The following HMGB1 variants were observed in gnomAD, a reference collection of about 807,000 sequenced individuals.
HMGB1 encodes the protein high mobility group box 1.
For synonymous variants in HMGB1, 81 were observed against 84.0 expected, an observed-to-expected ratio of 0.96 and a Z score of 0.19; for missense variants, 79 against 253.5, an observed-to-expected ratio of 0.31 and a Z score of 4.67.
At chr13:30,507,114 A>G (rs575511101) in intron 1 of HMGB1, among the ~76,000 whole-genome samples, 20 of 152,180 alleles carry the variant, frequency 1.3e-4, no homozygotes, top group Non-Finnish European at 2.6e-4. Flanking sequence ...CTACCACTCC[A>G]GCTCCATCTT....
At chr13:30,584,011 G>GA (rs1179060857) in intron 1 of HMGB1, among the ~76,000 whole-genome samples, 4 of 147,352 alleles carry the variant, frequency 2.7e-5, no homozygotes, top group Non-Finnish European at 6.0e-5. Flanking sequence ...CTAAAGAAGA[G>GA]AAAAGAAAAG....
At chr13:30,469,872 G>A (rs918304334), upstream of HMGB1, among the ~76,000 whole-genome samples, 10 of 152,190 alleles carry the variant, frequency 6.6e-5, no homozygotes, top group African/African-American at 1.4e-4. Flanking sequence ...CTTGTGATCC[G>A]CCCGCCTTGG....
rs1319876092 is a variant in HMGB1 at position 30,458,461 on chromosome 13, C to T, written c.*2896G>A. Reference sequence around the variant, plus strand: ...TCTCCTGCCTCAGCCTCCTGAGTTACTGGGACTACAGGCGCCCAGCACCAC... The same window carrying T: ...TCTCCTGCCTCAGCCTCCTGAGTTATTGGGACTACAGGCGCCCAGCACCAC... On this transcript the variant is annotated 3_prime_UTR_variant, in exon 5 of 5. Transcript: ENST00000341423. 2 of 151,860 alleles carry T rather than the reference C, an allele frequency of 1.3e-5. No homozygotes were observed. The highest frequency in any genetic ancestry group is 2.9e-5 in the Non-Finnish European group (2 of 68,112). 9.4% of individuals were successfully genotyped at this position (151,860 alleles called of 1,614,324 possible).
intron 1 of HMGB1, among the ~76,000 whole-genome samples, chr13:30,502,230 T>A (rs893014598): frequency 3.0e-4 from 46 of 152,252 alleles, no homozygotes; most frequent in Admixed American, 3.0e-3. Context: ...ATTTATTTAT[T>A]CACTTAACAA....
intron 1 of HMGB1, among the ~76,000 whole-genome samples, chr13:30,480,977 A>G (rs940260690): frequency 4.6e-5 from 7 of 151,772 alleles, no homozygotes; most frequent in African/African-American, 9.7e-5. Context: ...GACTCTCCCT[A>G]TGGTTTCCTG....
intron 1 of HMGB1, among the ~76,000 whole-genome samples, chr13:30,503,827 A>C (rs1276771145): frequency 6.6e-6 from 1 of 151,940 alleles, no homozygotes; most frequent in Non-Finnish European, 1.5e-5. Context: ...GAGGCCATGG[A>C]GTGAGGACTG....
In HMGB1 at chr13:30,533,866, CT is replaced by C. The variant is rs398056244; in HGVS notation, c.-14-70173del. 5.6e-3 allele frequency among the ~76,000 whole-genome samples: 802 copies of C among 142,610 alleles called. 6 individuals are homozygous for C. Among genetic ancestry groups the C allele is most frequent in the African/African-American group, 0.014 (533 of 38,900 alleles). The allele number at this position is 142,610 out of a possible 152,430, so 93.6% of individuals were successfully genotyped here. The stretch of plus-strand genomic sequence containing the variant: ...TGTAGTAAATCCTGGTAAAGACTAT[CT>C]TTTTTTTTTTTTTTAAGATGGAGTT... On this transcript the variant is annotated intron_variant, in intron 1 of 4. Transcript: ENST00000405805.
In HMGB1 at chr13:30,471,417, G is replaced by T. The variant is rs539687211; in HGVS notation, c.-14-7723C>A. Among the ~76,000 whole-genome samples, 3 of 151,494 alleles carry T rather than the reference G, an allele frequency of 2.0e-5. No homozygotes were observed. The East Asian group carries it at 5.8e-4, about 29-fold the overall frequency. On this transcript the variant is annotated intron_variant, in intron 1 of 4. Coordinates refer to the HMGB1 transcript ENST00000405805. ...TGCTGGAGTGCAGTGGCGCGATCTC[G>T]GCTCACTGCAACCTCTGTCTCCCAG... is the stretch of plus-strand genomic sequence containing the variant.
At position 30,547,256 on chromosome 13, in the gene HMGB1, T is replaced by TA. The variant is rs770089568; in HGVS notation, c.-15+69414dup. Among the ~76,000 whole-genome samples, 4 of 152,386 alleles carry TA rather than the reference T, an allele frequency of 2.6e-5. No homozygotes were observed. In the East Asian group the frequency reaches 7.7e-4, roughly 29 times the overall value. ...TTTTCCCAAATATTATTTGAGAACT[T>TA]ACTACAGGTAAGGCACTGCTCCAGT... On this transcript the variant is annotated intron_variant, in intron 1 of 4. Transcript: ENST00000405805.
At chr13:30,462,439 G>T in intron 4 of HMGB1, 99 bp downstream of exon 4, 1 of 913,340 alleles carries the variant, frequency 1.1e-6, no homozygotes, top group Non-Finnish European at 1.8e-6. Context: ...CATACTTAAT[G>T]TAGCTGTTAC....
At chr13:30,572,288 G>A (rs1190803903) in intron 1 of HMGB1, among the ~76,000 whole-genome samples, 1 of 152,144 alleles carries the variant, frequency 6.6e-6, no homozygotes, top group African/African-American at 2.4e-5. Context: ...GAGATAAAGT[G>A]TTCAACTTAG....
chr13:30,506,884 T>C (rs918578686), intron 1 of HMGB1, among the ~76,000 whole-genome samples: 1 of 152,084 alleles, frequency 6.6e-6, no homozygotes, highest in Non-Finnish European at 1.5e-5. Flanking sequence ...ACACCCCTAG[T>C]TCTCATGGTG....
At position 30,490,880 on chromosome 13, in the gene HMGB1, C is replaced by T. The variant is rs182242930; in HGVS notation, c.-14-27186G>A. On this transcript the variant is annotated intron_variant, in intron 1 of 4. Transcript: ENST00000405805. Reference sequence around the variant, plus strand: ...TCTGTGTGTAGGCAAAGGTACACTGCTGGTATTCAGCAAAAAAGTAGCTCT... The same window carrying T: ...TCTGTGTGTAGGCAAAGGTACACTGTTGGTATTCAGCAAAAAAGTAGCTCT... Among the ~76,000 whole-genome samples the T allele has an allele frequency of 3.1e-3, 476 of 152,120 alleles. 1 individual carries two copies. Among genetic ancestry groups the T allele is most frequent in the Non-Finnish European group, 5.1e-3 (349 of 68,002 alleles).
intron 1 of HMGB1, among the ~76,000 whole-genome samples, chr13:30,499,983 G>C (rs1887698180): frequency 2.0e-5 from 3 of 152,196 alleles, no homozygotes; most frequent in African/African-American, 7.2e-5. Flanking sequence ...ACAGTATTAA[G>C]AGATGGGGCC....
At chr13:30,497,858 A>T (rs2137448690) in intron 1 of HMGB1, among the ~76,000 whole-genome samples, 1 of 152,170 alleles carries the variant, frequency 6.6e-6, no homozygotes, top group East Asian at 1.9e-4. Context: ...TCTACCACTG[A>T]TGGGCATTTA....
At chr13:30,601,950 G>C (rs1256212822) in intron 1 of HMGB1, among the ~76,000 whole-genome samples, 1 of 152,008 alleles carries the variant, frequency 6.6e-6, no homozygotes, top group Admixed American at 6.6e-5. Flanking sequence ...TTGCCCTCTT[G>C]GAACACTCCT....
intron 1 of HMGB1, among the ~76,000 whole-genome samples, chr13:30,516,744 C>A (rs1888110433): frequency 6.6e-6 from 1 of 151,900 alleles, no homozygotes; most frequent in East Asian, 1.9e-4. Flanking sequence ...ATAGTGAGAC[C>A]CTGTCTATAC....
intron 1 of HMGB1, among the ~76,000 whole-genome samples, chr13:30,492,549 A>T (rs952527907): frequency 6.6e-6 from 1 of 152,190 alleles, no homozygotes; most frequent in African/African-American, 2.4e-5. Flanking sequence ...TGGAAAACAC[A>T]AATTAAAACC....
At chr13:30,561,876 G>A (rs1869967232) in intron 1 of HMGB1, among the ~76,000 whole-genome samples, 1 of 152,158 alleles carries the variant, frequency 6.6e-6, no homozygotes, top group Non-Finnish European at 1.5e-5. Flanking sequence ...CACAGGAAAT[G>A]CAGACATGAG....
Sources: gnomAD v4.1 joint callset for allele counts (sites outside exome capture counted in the v4.1 genomes callset) on GRCh38, gnomAD v4.1.1 for gene constraint, MANE v1.5 for transcripts, NCBI Gene and HGNC (gene_info 2026-07-23, HGNC 2026-07-21) for gene names.